Variants in SDK1 observed in about 807,000 individuals in gnomAD.
SDK1 encodes sidekick cell adhesion molecule 1.
A neutral mutation model predicts 245.5 loss-of-function variants in SDK1; 157 were observed. That is an observed-to-expected ratio of 0.64 (90% CI 0.56 to 0.73). The LOEUF (loss-of-function observed/expected upper bound fraction) is 0.73, where lower values mean the gene tolerates loss of function less well. SDK1 is among the 30% of genes least tolerant of loss of function. The probability of loss-of-function intolerance (pLI) is 0.00; values close to 1 mark genes in which losing one functional copy is unlikely to be tolerated. For missense variants in SDK1, 3,583 were observed against 3,002.3 expected (o/e 1.19, Z -4.52); for synonymous variants, 1,647 against 1,278.5 (o/e 1.29, Z -6.15).
intron 19 of SDK1, among the ~76,000 whole-genome samples, chr7:4,059,672 A>T (rs1384785107): frequency 2.0e-5 from 3 of 152,218 alleles, no homozygotes; most frequent in Non-Finnish European, 2.9e-5. Context: ...ACATTCTCCA[A>T]GACAGACCCT....
chr7:3,930,986 T>C (rs1317942103), intron 5 of SDK1, among the ~76,000 whole-genome samples: 1 of 152,242 alleles, frequency 6.6e-6, no homozygotes, highest in Non-Finnish European at 1.5e-5. Flanking sequence ...CACATCTTGC[T>C]GAATTATTTT....
At chr7:3,493,657 T>C (rs1781933680) in intron 1 of SDK1, among the ~76,000 whole-genome samples, 1 of 152,230 alleles carries the variant, frequency 6.6e-6, no homozygotes, top group South Asian at 2.1e-4. Context: ...TCAGGGCTTT[T>C]GCAATGCTAG....
At chr7:4,202,645 G>A (rs1276173627) in intron 35 of SDK1, among the ~76,000 whole-genome samples, 1 of 152,230 alleles carries the variant, frequency 6.6e-6, no homozygotes, top group Non-Finnish European at 1.5e-5. Context: ...GTGGGCGGAG[G>A]CTGAATGAAT....
At chr7:3,513,990 TC>T (rs1782657571) in intron 1 of SDK1, among the ~76,000 whole-genome samples, 1 of 152,214 alleles carries the variant, frequency 6.6e-6, no homozygotes, top group Non-Finnish European at 1.5e-5. Flanking sequence ...TGTGTAATAT[TC>T]CATGGTGTGT....
chr7:3,336,913 C>G (rs1203473002), intron 1 of SDK1, among the ~76,000 whole-genome samples: 2 of 152,110 alleles, frequency 1.3e-5, no homozygotes, highest in Non-Finnish European at 2.9e-5. Context: ...ATGTGCATAC[C>G]CACTCATCCC....
chr7:3,359,638 A>T (rs553394858), intron 1 of SDK1, among the ~76,000 whole-genome samples: 3 of 152,252 alleles, frequency 2.0e-5, no homozygotes, highest in Non-Finnish European at 2.9e-5. Flanking sequence ...CTGGTCCCTT[A>T]GTGCTGACAT....
chr7:3,388,188 T>A (rs1781656985), intron 1 of SDK1, among the ~76,000 whole-genome samples: 1 of 152,126 alleles, frequency 6.6e-6, no homozygotes, highest in Non-Finnish European at 1.5e-5. Context: ...TAAAATGAGA[T>A]GGGATAAGGT....
intron 1 of SDK1, among the ~76,000 whole-genome samples, chr7:3,339,331 TATAA>T (rs1255250058): frequency 6.6e-6 from 1 of 152,148 alleles, no homozygotes; most frequent in Non-Finnish European, 1.5e-5. Flanking sequence ...ACTATATACA[TATAA>T]ATAAATGTAA....
intron 22 of SDK1, among the ~76,000 whole-genome samples, chr7:4,104,234 A>G (rs902557882): frequency 6.6e-6 from 1 of 152,128 alleles, no homozygotes; most frequent in Non-Finnish European, 1.5e-5. Context: ...TAGATTTTGT[A>G]TGTTTTATAG....
Position 4,113,402 on chromosome 7 carries a change from G to A in SDK1, c.3548G>A (p.Arg1183His), listed in dbSNP as rs770135852. 28 of 1,613,736 alleles carry A rather than the reference G, an allele frequency of 1.7e-5. No individual in the cohort carries two copies. The highest frequency in any genetic ancestry group is 8.9e-5 in the East Asian group (4 of 44,894). ...PDVAPTSVTVRTASETSLRLR... is the reference protein window; with the variant it reads ...PDVAPTSVTVHTASETSLRLR... Reference sequence around the variant, plus strand: ...GTGGCTCCAACCAGCGTCACGGTCCGTACTGCCAGTGAGACCAGCCTGCGG... The same window carrying A: ...GTGGCTCCAACCAGCGTCACGGTCCATACTGCCAGTGAGACCAGCCTGCGG... The change falls in exon 24 of 45, where the codon CGT becomes CAT. Residue 1183 changes from arginine (R) to histidine (H), a missense_variant. Arg to His is a conservative substitution (Grantham distance 29). Transcript: ENST00000404826.
chr7:3,607,940 C>G (rs958334580), intron 1 of SDK1, among the ~76,000 whole-genome samples: 1 of 152,208 alleles, frequency 6.6e-6, no homozygotes, highest in Non-Finnish European at 1.5e-5. Context: ...GACCCTGAGC[C>G]CCTTTGCAGG....
intron 1 of SDK1, among the ~76,000 whole-genome samples, chr7:3,552,622 T>C (rs1029313935): frequency 2.6e-5 from 4 of 152,236 alleles, no homozygotes; most frequent in Admixed American, 1.3e-4. Flanking sequence ...TTCTGAGCAA[T>C]GTTTCTGAGC....
intron 22 of SDK1, among the ~76,000 whole-genome samples, chr7:4,102,570 G>A (rs1562812240): frequency 6.6e-6 from 1 of 152,134 alleles, no homozygotes; most frequent in Admixed American, 6.5e-5. Flanking sequence ...ATTACCTTTG[G>A]GATGAGGTTA....
chr7:4,210,265 G>C, intron 38 of SDK1, 103 bp downstream of exon 38: 1 of 1,186,252 alleles, frequency 8.4e-7, no homozygotes, highest in Non-Finnish European at 1.1e-6. Context: ...TGGGCCAGGA[G>C]CCTTCTGGCG....
At chr7:4,185,595 A>G (rs1192161471) in intron 35 of SDK1, among the ~76,000 whole-genome samples, 1 of 152,104 alleles carries the variant, frequency 6.6e-6, no homozygotes, top group Non-Finnish European at 1.5e-5. Context: ...CCCTGCATCC[A>G]CGCGAGCCCT....
Position 4,174,128 on chromosome 7 carries a change from G to C in SDK1, c.4801-94G>C. ...GGAACCCACGACTTTCTTCTGTGCA[G>C]CTGGCTAGTTAAACAGGGGTGGAGG... On this transcript the variant is annotated intron_variant, in intron 32 of 44. Transcript: ENST00000404826. The C allele has an allele frequency of 2.2e-6, 3 of 1,387,298 alleles. No homozygotes were observed. In the South Asian group the frequency reaches 3.8e-5, roughly 17 times the overall value. 85.9% of individuals were successfully genotyped at this position (1,387,298 alleles called of 1,614,324 possible). A position where few individuals can be genotyped will look rare whatever the true frequency, so the allele number is the denominator to read the frequency against.
chr7:3,407,760 C>T (rs952794130), intron 1 of SDK1, among the ~76,000 whole-genome samples: 3 of 152,144 alleles, frequency 2.0e-5, no homozygotes, highest in African/African-American at 7.2e-5. Flanking sequence ...ATTGGGTATA[C>T]AAGGATAACT....
chr7:3,828,275 A>G (rs1779827229), intron 5 of SDK1, among the ~76,000 whole-genome samples: 1 of 152,098 alleles, frequency 6.6e-6, no homozygotes, highest in Admixed American at 6.5e-5. Context: ...AAGACTCTCA[A>G]AAAAACAAAA....
chr7:3,670,645 C>T (rs1583291448), intron 4 of SDK1, among the ~76,000 whole-genome samples: 1 of 152,110 alleles, frequency 6.6e-6, no homozygotes, highest in Non-Finnish European at 1.5e-5. Flanking sequence ...GCTTAACGAA[C>T]CACCTCCCTT....
Sources: gnomAD v4.1 joint callset for allele counts (sites outside exome capture counted in the v4.1 genomes callset) on GRCh38, gnomAD v4.1.1 for gene constraint, MANE v1.5 for transcripts, NCBI Gene and HGNC (gene_info 2026-07-23, HGNC 2026-07-21) for gene names.